Variants in PTPN21 observed in about 807,000 individuals in gnomAD.
PTPN21 encodes tyrosine-protein phosphatase non-receptor type 21.
A neutral mutation model predicts 131.8 loss-of-function variants in PTPN21; 77 were observed. That is an observed-to-expected ratio of 0.58 (90% CI 0.49 to 0.71). PTPN21 has a LOEUF of 0.71. Among genes scored for constraint, PTPN21 ranks in the 30% least tolerant of loss-of-function variants. The probability of loss-of-function intolerance (pLI) is 0.00; values close to 1 mark genes in which losing one functional copy is unlikely to be tolerated. For missense variants in PTPN21, 1,552 were observed against 1,527.1 expected (o/e 1.02, Z -0.27); for synonymous variants, 715 against 621.3 (o/e 1.15, Z -2.24).
At chr14:88,544,226 T>A (rs2078743685) in intron 2 of PTPN21, among the ~76,000 whole-genome samples, 1 of 151,984 alleles carries the variant, frequency 6.6e-6, no homozygotes, top group South Asian at 2.1e-4. Context: ...GTGCCTGTAA[T>A]CCCAGCTACT....
At chr14:88,505,730 C>T (rs2078077534) in intron 4 of PTPN21, among the ~76,000 whole-genome samples, 1 of 152,010 alleles carries the variant, frequency 6.6e-6, no homozygotes, top group African/African-American at 2.4e-5. Flanking sequence ...TACTGATGAC[C>T]TCTGGGGAAT....
chr14:88,532,959 T>C (rs1368006590), intron 2 of PTPN21, among the ~76,000 whole-genome samples: 4 of 152,210 alleles, frequency 2.6e-5, no homozygotes, highest in African/African-American at 9.6e-5. Context: ...GATAGAAATT[T>C]ATAAATTGTT....
intron 13 of PTPN21, among the ~76,000 whole-genome samples, chr14:88,476,135 G>C (rs143454163): frequency 3.5e-4 from 53 of 152,290 alleles, no homozygotes; most frequent in Middle Eastern, 3.4e-3. Context: ...ATTCCTACTT[G>C]TCTACAGTTT....
Position 88,468,990 on chromosome 14 carries a change from A to T in PTPN21, c.3322T>A (p.Cys1108Ser). 6.2e-7 allele frequency: 1 copy of T among 1,614,200 alleles called. No individual in the cohort carries two copies. Among genetic ancestry groups the T allele is most frequent in the South Asian group, 1.1e-5 (1 of 91,078 alleles). Reference protein sequence around the residue: ...QSPNPPLLVHCSAGVGRTGVV... With the variant: ...QSPNPPLLVHSSAGVGRTGVV... ...CCAGTCCTTCCTACCCCAGCACTGC[A>T]GTGGACCAACAACGGAGGGTTGGGG... is the stretch of plus-strand genomic sequence containing the variant. Residue 1108 changes from cysteine (C) to serine (S), a missense_variant, in exon 18 of 19, where the codon TGC (cysteine) becomes AGC (serine). Coordinates refer to ENST00000556564, the MANE Select transcript of PTPN21 (RefSeq NM_007039.4).
rs544866788 is a variant in PTPN21 at position 88,469,694 on chromosome 14, G to A, written c.3040C>T (p.Leu1014Phe). The change falls in exon 17 of 19, where the codon CTT (leucine) becomes TTT (phenylalanine). Residue 1014 changes from leucine (L) to phenylalanine (F), a missense_variant. Around this residue, in one of 4 missense-constraint regions of PTPN21, gnomAD observed 316 missense variants for 378.5 expected, o/e 0.83. Coordinates refer to ENST00000556564, the MANE Select transcript of PTPN21 (RefSeq NM_007039.4). This position sits in a 1 kb window ranked among gnomAD's most constrained non-coding sequence, Gnocchi z 4.3. ...GTGACAGTGTTGTGCCTGGAACCAAGTCGTGGCCAGTACCTAAAGCTCTTC... is the reference window on the plus strand; with the variant it reads ...GTGACAGTGTTGTGCCTGGAACCAAATCGTGGCCAGTACCTAAAGCTCTTC... ...REKSFRYWPR[L>F]GSRHNTVTYG... The A allele has an allele frequency of 5.6e-6, 9 of 1,614,056 alleles. No individual in the cohort carries two copies. Among genetic ancestry groups the A allele is most frequent in the Non-Finnish European group, 7.6e-6 (9 of 1,180,048 alleles).
chr14:88,501,350 A>G lies in PTPN21; in HGVS notation c.606T>C (p.Asp202=). 1 of 1,614,128 alleles carries G rather than the reference A, an allele frequency of 6.2e-7. No homozygotes were observed. Among genetic ancestry groups the G allele is most frequent in the Non-Finnish European group, 8.5e-7 (1 of 1,179,952 alleles). ...CCTCCTGCATGTACAGCATTTCAGC[A>G]TCAGGAGCTGTGAGCCCTCTGCAAC... ...HQKYRGLTAP[D]AEMLYMQEVE... is the part of the protein sequence containing the mutation. The change falls in exon 7 of 19, where the codon GAT becomes GAC. Residue 202 remains aspartate (D), a synonymous_variant. Coordinates refer to ENST00000556564, the MANE Select transcript of PTPN21 (RefSeq NM_007039.4).
Position 88,497,235 on chromosome 14 carries a change from C to T in PTPN21, c.820G>A (p.Ala274Thr), listed in dbSNP as rs558413813. 35 of 1,612,776 alleles carry T rather than the reference C, an allele frequency of 2.2e-5. No homozygotes were observed. The South Asian group carries it at 3.5e-4, about 16-fold the overall frequency. Residue 274 changes from alanine (A) to threonine (T), a missense_variant, in exon 9 of 19, where the codon GCA (alanine) becomes ACA (threonine). Transcript: ENST00000556564. ...AATTGAATGGTCTCCTCTTTATTTG[C>T]CAGCTCTAATGCAAAAAAGGACTTG... ...HNKSFFALEL[A>T]NKEETIQFQT...
chr14:88,546,626 T>C (rs1347660974), intron 2 of PTPN21, among the ~76,000 whole-genome samples: 1 of 151,454 alleles, frequency 6.6e-6, no homozygotes, highest in Non-Finnish European at 1.5e-5. Context: ...TGGTATTCAA[T>C]TAAGCAAGAG....
intron 3 of PTPN21, 42 bp downstream of exon 3, chr14:88,517,050 A>G: frequency 1.2e-6 from 2 of 1,604,572 alleles, no homozygotes; most frequent in Non-Finnish European, 1.7e-6. Flanking sequence ...TTTACATCTC[A>G]CTAGACTATT....
chr14:88,511,640 G>C (rs1254749663), intron 3 of PTPN21, among the ~76,000 whole-genome samples: 3 of 152,144 alleles, frequency 2.0e-5, no homozygotes, highest in Non-Finnish European at 4.4e-5. Context: ...CTGCACTCCA[G>C]CCTGGCAACC....
intron 2 of PTPN21, among the ~76,000 whole-genome samples, chr14:88,525,079 C>T (rs1423183775): frequency 4.7e-5 from 7 of 150,036 alleles, no homozygotes; most frequent in Non-Finnish European, 8.9e-5. Context: ...TTTGCCTCTA[C>T]AAAAAATAAA....
At chr14:88,535,879 C>T (rs1778031672) in intron 2 of PTPN21, among the ~76,000 whole-genome samples, 1 of 152,234 alleles carries the variant, frequency 6.6e-6, no homozygotes, top group South Asian at 2.1e-4. Flanking sequence ...GAGTCCAAAT[C>T]TTCTGGACTA....
At chr14:88,496,720 A>T (rs2077922879) in intron 9 of PTPN21, among the ~76,000 whole-genome samples, 1 of 152,230 alleles carries the variant, frequency 6.6e-6, no homozygotes, top group Non-Finnish European at 1.5e-5. Flanking sequence ...TTCTCATATT[A>T]AACAGTTTCA....
rs939973198 is a variant in PTPN21 at position 88,467,903 on chromosome 14, G to A, written c.*234C>T. On this transcript the variant is annotated 3_prime_UTR_variant, in exon 19 of 19. Coordinates refer to ENST00000556564, the MANE Select transcript of PTPN21 (RefSeq NM_007039.4). ...CTGCAAACCGGACAGACCGGGGCAG[G>A]GCAAGGCCCTTGAAACCAAGTCCTC... The A allele has an allele frequency of 8.3e-6, 5 of 601,000 alleles. No individual in the cohort carries two copies. In the African/African-American group the frequency reaches 9.2e-5, roughly 11 times the overall value. The allele number at this position is 601,000 out of a possible 1,614,324, so 37.2% of individuals were successfully genotyped here.
chr14:88,545,087 G>A (rs541221072), intron 2 of PTPN21, among the ~76,000 whole-genome samples: 1 of 152,176 alleles, frequency 6.6e-6, no homozygotes, highest in South Asian at 2.1e-4. Context: ...TGCCCACCTC[G>A]GCCTCCCAAA....
Position 88,485,763 on chromosome 14 carries a change from T to C in PTPN21, c.993+19A>G, listed in dbSNP as rs2140108386. ...CATCACTAAAATAAAAAAGCAATCA[T>C]ATTTTCCTTGTTTCTTACCAGAGAC... is the stretch of plus-strand genomic sequence containing the variant. On this transcript the variant is annotated intron_variant, in intron 11 of 18. Coordinates refer to ENST00000556564, the MANE Select transcript of PTPN21 (RefSeq NM_007039.4). The C allele has an allele frequency of 6.4e-7, 1 of 1,555,718 alleles. No individual in the cohort carries two copies. Among genetic ancestry groups the C allele is most frequent in the Non-Finnish European group, 8.9e-7 (1 of 1,128,726 alleles).
At chr14:88,502,894 G>A (rs1041600426) in intron 6 of PTPN21, among the ~76,000 whole-genome samples, 78 of 152,054 alleles carry the variant, frequency 5.1e-4, no homozygotes, top group African/African-American at 1.8e-3. Context: ...GATATTCTAG[G>A]GAGATTAATC....
At chr14:88,506,344 A>C (rs2078086913) in intron 4 of PTPN21, among the ~76,000 whole-genome samples, 1 of 152,202 alleles carries the variant, frequency 6.6e-6, no homozygotes, top group South Asian at 2.1e-4. Flanking sequence ...TCTCCAAAAA[A>C]AGGAAAATAC....
chr14:88,550,794 A>G (rs1188553674), intron 1 of PTPN21, among the ~76,000 whole-genome samples, 175 bp from the exon 2 acceptor site: 1 of 152,204 alleles, frequency 6.6e-6, no homozygotes, highest in Non-Finnish European at 1.5e-5. Context: ...TGCTAGGCTC[A>G]GGGTCAGACT....
Sources: gnomAD v4.1 joint callset for allele counts (sites outside exome capture counted in the v4.1 genomes callset) on GRCh38, gnomAD v4.1.1 for gene constraint, gnomAD v4.1.1 regional missense constraint, Gnocchi (gnomAD v3.1) non-coding constraint, MANE v1.5 for transcripts, NCBI Gene and HGNC (gene_info 2026-07-23, HGNC 2026-07-21) for gene names.